The following SMARCA2 variants were observed in gnomAD, a reference collection of about 807,000 sequenced individuals.
SMARCA2 encodes SWI/SNF-related matrix-associated actin-dependent regulator of chromatin subfamily A member 2.
SMARCA2 carries 61 observed loss-of-function variants against 199.8 expected under a neutral mutation model. The observed-to-expected ratio is 0.31, with a 90% CI of 0.25 to 0.38. SMARCA2 has a LOEUF of 0.38. Ranked by LOEUF, SMARCA2 falls within the 10% of genes least tolerant of loss-of-function variation. The pLI is 1.00. For missense variants in SMARCA2, 1,344 were observed against 2,012.2 expected, an observed-to-expected ratio of 0.67 and a Z score of 6.35; for synonymous variants, 935 against 732.0, an observed-to-expected ratio of 1.28 and a Z score of -4.48.
intron 29 of SMARCA2, among the ~76,000 whole-genome samples, chr9:2,173,253 C>T (rs1177641118): frequency 6.6e-6 from 1 of 152,178 alleles, no homozygotes; most frequent in African/African-American, 2.4e-5. Context: ...CACAGGACAG[C>T]TGAACTCTCT....
Position 2,192,784 on chromosome 9 carries a change from C to T in SMARCA2, c.*45C>T, listed in dbSNP as rs1172499290. On this transcript the variant is annotated 3_prime_UTR_variant, in exon 34 of 34. Coordinates refer to ENST00000349721, the MANE Select transcript of SMARCA2 (RefSeq NM_003070.5). ...TTGGTAGAACTGAATTCCTTCCTCC[C>T]CTGTCTCATTTCTACCCAGTGAGTT... The T allele has an allele frequency of 4.2e-6, 6 of 1,434,892 alleles. No homozygotes were observed. The highest frequency in any genetic ancestry group is 5.9e-6 in the Non-Finnish European group (6 of 1,017,572). The allele number at this position is 1,434,892 out of a possible 1,614,324, so 88.9% of individuals were successfully genotyped here. A position where few individuals can be genotyped will look rare whatever the true frequency, so the allele number is the denominator to read the frequency against.
chr9:2,023,962 G>A (rs1244633460), intron 1 of SMARCA2, among the ~76,000 whole-genome samples: 1 of 152,126 alleles, frequency 6.6e-6, no homozygotes, highest in African/African-American at 2.4e-5. Context: ...TAATAAGACT[G>A]GGATATTCTT....
At chr9:2,155,319 G>T (rs942115556) in intron 27 of SMARCA2, among the ~76,000 whole-genome samples, 5 of 151,592 alleles carry the variant, frequency 3.3e-5, no homozygotes, top group Admixed American at 6.6e-5. Flanking sequence ...GTCTTGCTCT[G>T]TTGCCCAGGC....
intron 3 of SMARCA2, among the ~76,000 whole-genome samples, chr9:2,033,842 C>T (rs1011570889): frequency 6.6e-6 from 1 of 152,142 alleles, no homozygotes; most frequent in Non-Finnish European, 1.5e-5. Context: ...TGAAATTTTT[C>T]CTGTGTGTCT....
chr9:2,118,247 T>G (rs530774907), intron 25 of SMARCA2, among the ~76,000 whole-genome samples: 52 of 152,342 alleles, frequency 3.4e-4, no homozygotes, highest in African/African-American at 1.1e-3. Flanking sequence ...CCTTGTCAGA[T>G]GAAATGTAAT....
chr9:2,102,134 T>A (rs1212065484), intron 22 of SMARCA2, among the ~76,000 whole-genome samples: 1 of 70,768 alleles, frequency 1.4e-5, no homozygotes, highest in Non-Finnish European at 2.6e-5. Flanking sequence ...TAACAGAAAG[T>A]GTGTGTGTGT....
intron 27 of SMARCA2, chr9:2,158,940 T>A: frequency 6.2e-7 from 1 of 1,612,000 alleles, no homozygotes; most frequent in South Asian, 1.1e-5. Context: ...TGTAGCTCTC[T>A]GCATTCCTGC....
At chr9:2,057,195 C>G (rs1222409859) in intron 7 of SMARCA2, among the ~76,000 whole-genome samples, 1 of 152,214 alleles carries the variant, frequency 6.6e-6, no homozygotes, top group Admixed American at 6.5e-5. Context: ...AGCCTGAGAT[C>G]AGGGTACTAG....
rs547163400 is a variant in SMARCA2, at chr9:2,188,116, T to C, written c.4594+1888T>C. ...ATGTTAATACAGATGATTTGGAAAA[T>C]GTAATGATTTTTGTACTTATTATGA... is the stretch of plus-strand genomic sequence containing the variant. On this transcript the variant is annotated intron_variant, in intron 32 of 33. Transcript: ENST00000349721. Among the ~76,000 whole-genome samples, 9 of 152,300 alleles carry C rather than the reference T, an allele frequency of 5.9e-5. No homozygotes were observed. The South Asian group carries it at 1.9e-3, about 32-fold the overall frequency.
chr9:2,066,344 A>G lies in SMARCA2; in HGVS notation c.1693-4074A>G, dbSNP rs7856771. Reference sequence around the variant, plus strand: ...TTCTTTTGAGTTCAGCTTACACGGGATTTTCATATTTAGAGATTTCTTTCC... The same window carrying G: ...TTCTTTTGAGTTCAGCTTACACGGGGTTTTCATATTTAGAGATTTCTTTCC... On this transcript the variant is annotated intron_variant, in intron 9 of 33. Coordinates refer to ENST00000349721, the MANE Select transcript of SMARCA2 (RefSeq NM_003070.5). Among the ~76,000 whole-genome samples, 1,447 of 152,222 alleles carry G rather than the reference A, an allele frequency of 9.5e-3. 24 individuals carry two copies. Among genetic ancestry groups the G allele is most frequent in the African/African-American group, 0.033 (1,372 of 41,538 alleles).
Position 2,115,063 on chromosome 9 carries a change from TAGAG to T in SMARCA2, c.3457-754_3457-751del, listed in dbSNP as rs998498228. Among the ~76,000 whole-genome samples, 2 of 152,284 alleles carry T rather than the reference TAGAG, an allele frequency of 1.3e-5. No individual in the cohort carries two copies. The highest frequency in any genetic ancestry group is 3.9e-4 in the East Asian group (2 of 5,186). ...TTTCTTTTTTTAAAAAAAAAGCCAT[TAGAG>T]AGAGTAAATTATTCTGAGAAGGTAC... On this transcript the variant is annotated intron_variant, in intron 24 of 33. Transcript: ENST00000349721. This position sits in a 1 kb window ranked among gnomAD's most constrained non-coding sequence, Gnocchi z 6.0.
Position 2,039,814 on chromosome 9 carries a change from A to AACAGCAGCC in SMARCA2, c.704_705insACAGCAGCC (p.Gln237_Gln238insProGlnGln), listed in dbSNP as rs1362579661. 37 of 1,608,048 alleles carry AACAGCAGCC rather than the reference A, an allele frequency of 2.3e-5. No individual in the cohort carries two copies. The African/African-American group carries it at 4.5e-4, about 20-fold the overall frequency. On this transcript the variant is annotated inframe_insertion, in exon 4 of 34. Coordinates refer to ENST00000349721, the MANE Select transcript of SMARCA2 (RefSeq NM_003070.5). The surrounding 1 kb of genome is among the most constrained non-coding windows in gnomAD (Gnocchi z 4.8). Reference sequence around the variant, plus strand: ...CAGCAGCAGCAGCAGCAGCAGCAGCAGCAACAGCAGCCGCAGCAGCAGCCG... The same window carrying AACAGCAGCC: ...CAGCAGCAGCAGCAGCAGCAGCAGCAACAGCAGCCGCAACAGCAGCCGCAGCAGCAGCCG...
chr9:2,041,276 G>A, intron 4 of SMARCA2: 1 of 398,520 alleles, frequency 2.5e-6, no homozygotes, highest in Non-Finnish European at 4.4e-6. Context: ...CTGAGCTGCT[G>A]TAATGAAAGG....
At chr9:2,093,460 C>T (rs1186781706) in intron 19 of SMARCA2, among the ~76,000 whole-genome samples, 3 of 152,130 alleles carry the variant, frequency 2.0e-5, no homozygotes, top group South Asian at 4.1e-4. Flanking sequence ...CCAGGGGAAG[C>T]GTGAGAGTGG....
chr9:2,192,126 A>G (rs1195264168), intron 33 of SMARCA2: 1 of 164,610 alleles, frequency 6.1e-6, no homozygotes, highest in African/African-American at 2.4e-5. Context: ...AAGGTAGAAG[A>G]GTGGGCAGAA....
chr9:2,086,713 C>T lies in SMARCA2; in HGVS notation c.2527-116C>T. ...GATTCCCTTGTCTCAAAGGTAATCA[C>T]AGCATATCATATACCAAGGATGGGT... On this transcript the variant is annotated intron_variant, in intron 17 of 33. Transcript: ENST00000349721. The surrounding 1 kb of genome is among the most constrained non-coding windows in gnomAD (Gnocchi z 4.3). 9.1e-7 allele frequency: 1 copy of T among 1,099,876 alleles called. No individual in the cohort carries two copies. Among genetic ancestry groups the T allele is most frequent in the Non-Finnish European group, 1.3e-6 (1 of 748,554 alleles). The allele number at this position is 1,099,876 out of a possible 1,614,324, so 68.1% of individuals were successfully genotyped here.
intron 27 of SMARCA2, among the ~76,000 whole-genome samples, chr9:2,128,546 A>G (rs1383057450): frequency 6.6e-6 from 1 of 152,228 alleles, no homozygotes; most frequent in African/African-American, 2.4e-5. Context: ...CTAAGTCAGC[A>G]CCAGGGGTTG....
At chr9:2,139,783 G>A (rs1416587232) in intron 27 of SMARCA2, among the ~76,000 whole-genome samples, 1 of 152,142 alleles carries the variant, frequency 6.6e-6, no homozygotes, top group African/African-American at 2.4e-5. Context: ...CACAAATCTT[G>A]TAACATCAGG....
chr9:2,078,214 G>A (rs1373141099), intron 14 of SMARCA2, among the ~76,000 whole-genome samples: 1 of 152,162 alleles, frequency 6.6e-6, no homozygotes, highest in East Asian at 1.9e-4. Flanking sequence ...GCTCACTCTT[G>A]TAATCCTATC....
Sources: allele counts gnomAD v4.1 joint callset (sites outside exome capture counted in the v4.1 genomes callset), GRCh38; gene constraint gnomAD v4.1.1; non-coding constraint Gnocchi (gnomAD v3.1); transcripts MANE v1.5; gene names NCBI Gene and HGNC (gene_info 2026-07-23, HGNC 2026-07-21).